NUDT6: variants seen among roughly 807,000 people sequenced by gnomAD.
NUDT6 encodes the protein nudix hydrolase 6.
Under a neutral mutation model 36.8 loss-of-function variants are expected in NUDT6, and 24 were observed. The observed-to-expected ratio is 0.65, with a 90% CI of 0.47 to 0.92. The LOEUF (loss-of-function observed/expected upper bound fraction) is 0.92, where lower values mean the gene tolerates loss of function less well. Among genes scored for constraint, NUDT6 ranks in the 40% least tolerant of loss-of-function variants. The pLI is 0.00. For missense variants in NUDT6, 388 were observed against 392.8 expected (o/e 0.99, Z 0.10); for synonymous variants, 163 against 157.0 (o/e 1.04, Z -0.29).
At chr4:122,901,686 G>A (rs929940418) in intron 3 of NUDT6, among the ~76,000 whole-genome samples, 3 of 152,080 alleles carry the variant, frequency 2.0e-5, no homozygotes, top group Non-Finnish European at 2.9e-5. Context: ...CTATTTCTTT[G>A]AAAACTTATC....
At position 122,922,301 on chromosome 4, in the gene NUDT6, A is replaced by C. The variant is rs772851816; in HGVS notation, c.238+34T>G. 58 of 1,557,696 alleles carry C rather than the reference A, an allele frequency of 3.7e-5. 1 individual carries two copies. The South Asian group carries it at 6.4e-4, about 17-fold the overall frequency. ...GGTTATTTCATTAGAAAAGCTCTGG[A>C]GCCCCGGGAGCCCTTCGTCCCAGGC... On this transcript the variant is annotated intron_variant, in intron 1 of 4. Transcript: ENST00000304430.
chr4:122,916,263 A>C (rs1015634526), intron 2 of NUDT6, among the ~76,000 whole-genome samples: 1 of 152,162 alleles, frequency 6.6e-6, no homozygotes, highest in East Asian at 1.9e-4. Context: ...GCAATCTACA[A>C]TGTGAGAATC....
At chr4:122,898,536 C>T (rs551756435) in intron 3 of NUDT6, among the ~76,000 whole-genome samples, 4 of 152,198 alleles carry the variant, frequency 2.6e-5, no homozygotes, top group African/African-American at 9.6e-5. Context: ...GGTCCTTTTA[C>T]TGGTTTGCTT....
At chr4:122,902,796 G>A (rs1276780236) in intron 3 of NUDT6, among the ~76,000 whole-genome samples, 2 of 152,108 alleles carry the variant, frequency 1.3e-5, no homozygotes, top group African/African-American at 4.8e-5. Flanking sequence ...ATGTGTGTAG[G>A]GAAAGAGAAA....
intron 3 of NUDT6, among the ~76,000 whole-genome samples, chr4:122,903,076 C>A (rs976264184): frequency 6.6e-6 from 1 of 152,020 alleles, no homozygotes; most frequent in Non-Finnish European, 1.5e-5. Context: ...ATTGAAATAT[C>A]ACCTAACACC....
At chr4:122,918,288 C>G (rs1234529395) in intron 1 of NUDT6, 3 of 152,436 alleles carry the variant, frequency 2.0e-5, no homozygotes, top group Non-Finnish European at 4.4e-5. Flanking sequence ...TAGATAATAT[C>G]ATGGTGAACA....
intron 3 of NUDT6, among the ~76,000 whole-genome samples, chr4:122,907,327 G>A (rs1220463059): frequency 6.6e-6 from 1 of 151,368 alleles, no homozygotes; most frequent in Non-Finnish European, 1.5e-5. Context: ...TAGAGATGGG[G>A]TTTCACCATG....
At chr4:122,901,323 T>C (rs1283729960) in intron 3 of NUDT6, among the ~76,000 whole-genome samples, 1 of 152,082 alleles carries the variant, frequency 6.6e-6, no homozygotes, top group Non-Finnish European at 1.5e-5. Flanking sequence ...ACAAAAGGTA[T>C]AGTATCCTTT....
At chr4:122,908,949 T>A (rs1426684395) in intron 3 of NUDT6, among the ~76,000 whole-genome samples, 1 of 152,220 alleles carries the variant, frequency 6.6e-6, no homozygotes, top group Admixed American at 6.5e-5. Flanking sequence ...TTACTTACAG[T>A]CTACAGTCTT....
At chr4:122,895,538 C>A (rs187737646) in intron 4 of NUDT6, 1 of 152,308 alleles carries the variant, frequency 6.6e-6, no homozygotes, top group African/African-American at 2.4e-5. Context: ...TAAGGCTCAG[C>A]TGCTTTATAG....
At chr4:122,897,259 A>G (rs932009163) in intron 4 of NUDT6, 3 of 191,206 alleles carry the variant, frequency 1.6e-5, no homozygotes, top group Non-Finnish European at 3.2e-5. Context: ...AATGGTCAGG[A>G]ATTTGTTTTC....
chr4:122,920,801 G>T (rs1201701538), intron 1 of NUDT6: 1 of 152,222 alleles, frequency 6.6e-6, no homozygotes, highest in Non-Finnish European at 1.5e-5. Flanking sequence ...GTATAAGCGG[G>T]CTTGTCAGCA....
At position 122,906,604 on chromosome 4, in the gene NUDT6, T is replaced by C. The variant is rs143660024; in HGVS notation, c.498+5964A>G. ...TGCTAGAGGATAGGAGATGCCCCTA[T>C]TAAGTGTTTAGAAGTATAGTTGTCA... On this transcript the variant is annotated intron_variant, in intron 3 of 4. Transcript: ENST00000304430. 4.6e-5 allele frequency among the ~76,000 whole-genome samples: 7 copies of C among 152,196 alleles called. No individual in the cohort carries two copies. In the East Asian group the frequency reaches 1.3e-3, roughly 29 times the overall value.
At chr4:122,912,690 C>T (rs1727754428) in intron 2 of NUDT6, 67 bp from the exon 3 acceptor site, 4 of 1,005,080 alleles carry the variant, frequency 4.0e-6, no homozygotes, top group Non-Finnish European at 6.3e-6. Flanking sequence ...TCCTCCCACA[C>T]TCTCTATCTG....
intron 3 of NUDT6, among the ~76,000 whole-genome samples, chr4:122,898,902 A>C (rs966850539): frequency 6.6e-6 from 1 of 152,020 alleles, no homozygotes; most frequent in Admixed American, 6.6e-5. Context: ...ACTTTTTGAG[A>C]CAGGGTCTCA....
chr4:122,897,462 TGC>T, intron 4 of NUDT6, 160 bp downstream of exon 4: 1 of 643,910 alleles, frequency 1.6e-6, no homozygotes, highest in South Asian at 1.8e-5. Context: ...TTAGAAATTA[TGC>T]TGCTAATTAT....
Position 122,917,677 on chromosome 4 carries a change from C to T in NUDT6, c.266G>A (p.Gly89Asp), listed in dbSNP as rs761417045. 4 of 1,614,122 alleles carry T rather than the reference C, an allele frequency of 2.5e-6. No homozygotes were observed. Among genetic ancestry groups the T allele is most frequent in the Non-Finnish European group, 3.4e-6 (4 of 1,179,994 alleles). Residue 89 changes from glycine (G) to aspartate (D), a missense_variant, in exon 2 of 5, where the codon GGT becomes GAT. Transcript: ENST00000304430. ...AATGTGCAGCCATACAGCTGTTCTACCTTCTGATCGCCATTGCTGTACTGC... is the reference window on the plus strand; with the variant it reads ...AATGTGCAGCCATACAGCTGTTCTATCTTCTGATCGCCATTGCTGTACTGC... ...QAAVQQWRSE[G>D]RTAVWLHIPI...
intron 2 of NUDT6, 110 bp from the exon 3 acceptor site, chr4:122,912,733 T>A: frequency 1.5e-6 from 1 of 685,964 alleles, no homozygotes; most frequent in Non-Finnish European, 2.6e-6. Flanking sequence ...ACTTGAAGCC[T>A]TGGTTCAAAT....
At chr4:122,895,591 T>C (rs933655099) in intron 4 of NUDT6, 1 of 152,220 alleles carries the variant, frequency 6.6e-6, no homozygotes, top group African/African-American at 2.4e-5. Context: ...CCAGTGGTAA[T>C]ACGATTTTTT....
Sources: allele counts gnomAD v4.1 joint callset (sites outside exome capture counted in the v4.1 genomes callset), GRCh38; gene constraint gnomAD v4.1.1; transcripts MANE v1.5; gene names NCBI Gene and HGNC (gene_info 2026-07-23, HGNC 2026-07-21).